The following ZNRF1 variants were observed in gnomAD, a reference collection of about 807,000 sequenced individuals.
ZNRF1 encodes E3 ubiquitin-protein ligase ZNRF1.
ZNRF1 carries 3 observed loss-of-function variants against 18.4 expected under a neutral mutation model. The observed-to-expected ratio is 0.16, with a 90% confidence interval of 0.07 to 0.42. The LOEUF is 0.42. Ranked by LOEUF, ZNRF1 falls within the 10% of genes least tolerant of loss-of-function variation. ZNRF1 has a pLI of 0.99. For synonymous variants in ZNRF1, 157 were observed against 144.2 expected, an observed-to-expected ratio of 1.09 and a Z score of -0.64; for missense variants, 310 against 329.8, an observed-to-expected ratio of 0.94 and a Z score of 0.47.
At chr16:75,016,835 G>A (rs1203743615) in intron 1 of ZNRF1, among the ~76,000 whole-genome samples, 2 of 46,756 alleles carry the variant, frequency 4.3e-5, no homozygotes, top group Non-Finnish European at 2.2e-4. Flanking sequence ...GTGAGCCACC[G>A]CGGCCGGCCT....
At chr16:75,082,628 A>G (rs2036026552) in intron 1 of ZNRF1, among the ~76,000 whole-genome samples, 2 of 152,016 alleles carry the variant, frequency 1.3e-5, no homozygotes, top group African/African-American at 4.8e-5. Context: ...ATCAAGGCTG[A>G]CTGCTGCCTC....
chr16:75,028,495 A>G (rs1347042567), intron 1 of ZNRF1, among the ~76,000 whole-genome samples: 2 of 152,188 alleles, frequency 1.3e-5, no homozygotes, highest in African/African-American at 4.8e-5. Flanking sequence ...GGGTTTCACC[A>G]TGTTGGCCAG....
chr16:75,011,120 A>AT (rs1341852938), intron 1 of ZNRF1, among the ~76,000 whole-genome samples: 2 of 152,048 alleles, frequency 1.3e-5, no homozygotes, highest in African/African-American at 4.8e-5. Context: ...AGATCTTTTC[A>AT]TTTTGTTTCC....
chr16:75,001,284 C>G (rs1022785742), intron 1 of ZNRF1, among the ~76,000 whole-genome samples: 1 of 152,118 alleles, frequency 6.6e-6, no homozygotes, highest in African/African-American at 2.4e-5. Flanking sequence ...CCCCCCCCTG[C>G]AAATAGCCTG....
chr16:75,087,214 T>TA (rs2036084501), intron 1 of ZNRF1, among the ~76,000 whole-genome samples: 1 of 152,186 alleles, frequency 6.6e-6, no homozygotes, highest in Non-Finnish European at 1.5e-5. Flanking sequence ...GATGCCCAGT[T>TA]ACCCTGGTCC....
intron 1 of ZNRF1, among the ~76,000 whole-genome samples, chr16:75,002,935 A>G (rs1380023068): frequency 6.6e-6 from 1 of 152,166 alleles, no homozygotes; most frequent in Non-Finnish European, 1.5e-5. Context: ...TATTCTCTCC[A>G]GTCACTCACC....
intron 1 of ZNRF1, among the ~76,000 whole-genome samples, chr16:75,031,232 A>G (rs2035298952): frequency 1.3e-5 from 2 of 151,226 alleles, no homozygotes; most frequent in South Asian, 4.2e-4. Flanking sequence ...CCTGGGTTCA[A>G]GTCATTCTCC....
chr16:75,014,500 A>G (rs2035040890), intron 1 of ZNRF1, among the ~76,000 whole-genome samples: 1 of 152,130 alleles, frequency 6.6e-6, no homozygotes, highest in African/African-American at 2.4e-5. Flanking sequence ...ATTTATTTTC[A>G]CAGCTATACT....
intron 1 of ZNRF1, among the ~76,000 whole-genome samples, chr16:75,056,387 A>G (rs1290857109): frequency 1.3e-5 from 2 of 152,198 alleles, no homozygotes; most frequent in East Asian, 1.9e-4. Flanking sequence ...CATAAGTTCT[A>G]GTGGTTCTGA....
At chr16:75,010,343 T>C (rs1023439449) in intron 1 of ZNRF1, among the ~76,000 whole-genome samples, 10 of 152,204 alleles carry the variant, frequency 6.6e-5, no homozygotes, top group Non-Finnish European at 1.3e-4. Context: ...TTTTAAAGCC[T>C]TGTTTATGAT....
intron 1 of ZNRF1, among the ~76,000 whole-genome samples, chr16:75,019,917 G>A (rs1441863042): frequency 6.6e-6 from 1 of 152,092 alleles, no homozygotes; most frequent in African/African-American, 2.4e-5. Context: ...TAGAGATGGG[G>A]GTTCGCCATG....
rs578190327 is a variant in ZNRF1, at chr16:75,054,348, C to T, written c.425-39224C>T. On this transcript the variant is annotated intron_variant, in intron 1 of 4. Coordinates refer to ENST00000335325, the MANE Select transcript of ZNRF1 (RefSeq NM_032268.5). The stretch of plus-strand genomic sequence containing the variant: ...TTCTAAAAGTCCATTTGTGGTGAGG[C>T]GTGGCCCTGCTGGGAGAAGCTGATG... Among the ~76,000 whole-genome samples, 6 of 152,334 alleles carry T rather than the reference C, an allele frequency of 3.9e-5. No individual in the cohort carries two copies. In the South Asian group the frequency reaches 1.0e-3, roughly 26 times the overall value.
chr16:75,092,683 G>T (rs947500644), intron 1 of ZNRF1, among the ~76,000 whole-genome samples: 1 of 152,208 alleles, frequency 6.6e-6, no homozygotes, highest in South Asian at 2.1e-4. Flanking sequence ...GTACAATTCT[G>T]TATCAGTTGA....
chr16:75,040,612 T>TG (rs2035433863), intron 1 of ZNRF1, among the ~76,000 whole-genome samples: 1 of 138,538 alleles, frequency 7.2e-6, no homozygotes, highest in African/African-American at 2.7e-5. Flanking sequence ...TTTTTTTTTT[T>TG]TTTTTTTTTT....
intron 1 of ZNRF1, among the ~76,000 whole-genome samples, chr16:75,024,188 A>C (rs1266099304): frequency 6.6e-6 from 1 of 152,128 alleles, no homozygotes; most frequent in African/African-American, 2.4e-5. Context: ...TTCTTAACAC[A>C]GTACTCCAAG....
At chr16:75,073,454 C>G (rs1413814667) in intron 1 of ZNRF1, among the ~76,000 whole-genome samples, 6 of 151,842 alleles carry the variant, frequency 4.0e-5, no homozygotes, top group Non-Finnish European at 7.4e-5. Context: ...TTTTTAATTC[C>G]TGTTGTCCAT....
chr16:75,054,547 A>G (rs1292899834), intron 1 of ZNRF1, among the ~76,000 whole-genome samples: 2 of 152,184 alleles, frequency 1.3e-5, no homozygotes, highest in Non-Finnish European at 2.9e-5. Flanking sequence ...GGAGGTCACT[A>G]TGTGGGCTTC....
At chr16:75,045,948 G>GCT (rs895530166) in intron 1 of ZNRF1, among the ~76,000 whole-genome samples, 1 of 151,838 alleles carries the variant, frequency 6.6e-6, no homozygotes, top group African/African-American at 2.4e-5. Context: ...CGTTGCCCAA[G>GCT]CTAGAGTACA....
At chr16:75,016,045 C>T (rs1045230483) in intron 1 of ZNRF1, among the ~76,000 whole-genome samples, 10 of 151,058 alleles carry the variant, frequency 6.6e-5, no homozygotes, top group Admixed American at 4.0e-4. Flanking sequence ...CTCAGCCTCC[C>T]GAGTAGCTGG....
Sources: gnomAD v4.1 joint callset for allele counts (sites outside exome capture counted in the v4.1 genomes callset) on GRCh38, gnomAD v4.1.1 for gene constraint, MANE v1.5 for transcripts, NCBI Gene and HGNC (gene_info 2026-07-23, HGNC 2026-07-21) for gene names.